CD109: variants seen among roughly 807,000 people sequenced by gnomAD.
CD109 encodes the protein CD109 molecule.
CD109 carries 149 observed loss-of-function variants against 165.8 expected under a neutral mutation model. That is an observed-to-expected ratio of 0.90 (90% confidence interval 0.79 to 1.03). The LOEUF is 1.03. Among genes scored for constraint, CD109 ranks in the 50% least tolerant of loss-of-function variants. The pLI is 0.00. For missense variants in CD109, 1,712 were observed against 1,677.8 expected (o/e 1.02, Z -0.36); for synonymous variants, 585 against 592.1 (o/e 0.99, Z 0.18).
intron 5 of CD109, among the ~76,000 whole-genome samples, chr6:73,753,081 A>ATG (rs58469494): frequency 0.1 from 15,593 of 152,164 alleles, 1,303 homozygotes; most frequent in African/African-American, 0.23. Flanking sequence ...GAAAAACCAA[A>ATG]TGTAGCCTGA....
At chr6:73,819,588 A>T (rs1776044135) in intron 31 of CD109, among the ~76,000 whole-genome samples, 1 of 152,238 alleles carries the variant, frequency 6.6e-6, no homozygotes, top group South Asian at 2.1e-4. Flanking sequence ...TTAAAAAGAT[A>T]GTTCTTGAAT....
At chr6:73,784,712 A>G (rs186244646) in intron 19 of CD109, among the ~76,000 whole-genome samples, 142 of 152,360 alleles carry the variant, frequency 9.3e-4, no homozygotes, top group African/African-American at 3.2e-3. Flanking sequence ...GACTTGGCCA[A>G]CAATATCAGA....
chr6:73,782,623 C>G lies in CD109; in HGVS notation c.1973C>G (p.Ala658Gly). Residue 658 changes from alanine (A) to glycine (G), a missense_variant, in exon 18 of 33, where the codon GCA becomes GGA. Physicochemically the swap from Ala to Gly is moderately conservative, Grantham distance 60. Transcript: ENST00000287097. ...KDYIDGVYDNAEYAERFMEEN... is the reference protein window; with the variant it reads ...KDYIDGVYDNGEYAERFMEEN... ...CAATGTTTATTTATAGATGACAATG[C>G]AGAATATGCTGAGAGGTTTATGGAG... 1 of 1,612,228 alleles carries G rather than the reference C, an allele frequency of 6.2e-7. No homozygotes were observed. Among genetic ancestry groups the G allele is most frequent in the Non-Finnish European group, 8.5e-7 (1 of 1,178,806 alleles).
intron 23 of CD109, among the ~76,000 whole-genome samples, chr6:73,794,319 T>C (rs1046371811): frequency 1.3e-5 from 2 of 152,192 alleles, no homozygotes; most frequent in African/African-American, 4.8e-5. Flanking sequence ...TGATTTGCAG[T>C]GTTCTCTGGT....
At chr6:73,729,063 T>C (rs1562033968) in intron 3 of CD109, among the ~76,000 whole-genome samples, 1 of 152,160 alleles carries the variant, frequency 6.6e-6, no homozygotes, top group Non-Finnish European at 1.5e-5. Context: ...GGCTGACACG[T>C]GGTTGTTGGT....
At chr6:73,688,328 G>C in the CD109 span, among the ~76,000 whole-genome samples, 1 of 152,166 alleles carries the variant, frequency 6.6e-6, no homozygotes, top group East Asian at 1.9e-4. Context: ...CAATAGGAGT[G>C]CTAGGAGAAT....
intron 23 of CD109, among the ~76,000 whole-genome samples, chr6:73,796,491 G>A (rs1360767750): frequency 1.3e-5 from 2 of 151,990 alleles, no homozygotes; most frequent in African/African-American, 4.8e-5. Context: ...ACTCCAATTT[G>A]TACTACTCCA....
At chr6:73,690,239 T>C in the CD109 span, among the ~76,000 whole-genome samples, 1 of 152,242 alleles carries the variant, frequency 6.6e-6, no homozygotes, top group African/African-American at 2.4e-5. Flanking sequence ...GGGTTATATA[T>C]ACATTTCCCT....
At chr6:73,783,857 C>T (rs370475679) in intron 19 of CD109, 33 bp downstream of exon 19, 34 of 1,226,136 alleles carry the variant, frequency 2.8e-5, no homozygotes, top group Middle Eastern at 1.9e-4. Flanking sequence ...ATCAGTATTA[C>T]GGTGACATTA....
At chr6:73,767,079 G>T in intron 13 of CD109, 69 bp downstream of exon 13, 1 of 1,371,112 alleles carries the variant, frequency 7.3e-7, no homozygotes, top group Non-Finnish European at 1.0e-6. Flanking sequence ...TTTAAGTTCT[G>T]GGGTACATGT....
At chr6:73,785,868 A>G (rs1421513728) in intron 20 of CD109, among the ~76,000 whole-genome samples, 1 of 141,564 alleles carries the variant, frequency 7.1e-6, no homozygotes, top group East Asian at 2.1e-4. Context: ...TTTTTGAGAC[A>G]TGGTCTTGCT....
At chr6:73,805,343 C>T (rs749327304) in intron 24 of CD109, among the ~76,000 whole-genome samples, 1 of 152,190 alleles carries the variant, frequency 6.6e-6, no homozygotes, top group Non-Finnish European at 1.5e-5. Context: ...TTTAGATATG[C>T]ATACACATAA....
At chr6:73,712,664 T>A (rs565510583) in intron 2 of CD109, among the ~76,000 whole-genome samples, 1 of 152,368 alleles carries the variant, frequency 6.6e-6, no homozygotes, top group African/African-American at 2.4e-5. Flanking sequence ...TTACACAATT[T>A]AAAAATAGCT....
intron 3 of CD109, among the ~76,000 whole-genome samples, chr6:73,729,054 G>A (rs1772246356): frequency 6.6e-6 from 1 of 152,146 alleles, no homozygotes; most frequent in Non-Finnish European, 1.5e-5. Context: ...CATTCACTAG[G>A]CTGACACGTG....
At position 73,696,252 on chromosome 6, in the gene CD109, C is replaced by A; in HGVS notation, c.37C>A (p.Leu13Ile). The A allele has an allele frequency of 1.3e-6, 2 of 1,541,110 alleles. No individual in the cohort carries two copies. Among genetic ancestry groups the A allele is most frequent in the Non-Finnish European group, 1.7e-6 (2 of 1,148,478 alleles). The change falls in exon 1 of 33, where the codon CTC (leucine) becomes ATC (isoleucine). Residue 13 changes from leucine (L) to isoleucine (I), a missense_variant. Physicochemically the swap from Leu to Ile is conservative, Grantham distance 5. Transcript: ENST00000287097. ...ACCGCTCCTGACCGCCGCCCACCTC[C>A]TCTGCGTGTGCACCGCCGCGCTGGC... ...GPPLLTAAHL[L>I]CVCTAALAVA...
intron 3 of CD109, among the ~76,000 whole-genome samples, chr6:73,727,855 A>G (rs1365083664): frequency 1.3e-5 from 2 of 152,208 alleles, no homozygotes; most frequent in Non-Finnish European, 2.9e-5. Flanking sequence ...TTTCTTGTTT[A>G]TAGTATTAGG....
intron 5 of CD109, 36 bp from the exon 6 acceptor site, chr6:73,756,603 CATAT>C: frequency 7.3e-7 from 1 of 1,363,958 alleles, no homozygotes; most frequent in Non-Finnish European, 1.0e-6. Flanking sequence ...AATAAGAACT[CATAT>C]ACTTTCCTGT....
intron 11 of CD109, among the ~76,000 whole-genome samples, 185 bp from the exon 12 acceptor site, chr6:73,766,574 G>A (rs547362834): frequency 2.0e-5 from 3 of 147,446 alleles, no homozygotes; most frequent in South Asian, 2.1e-4. Context: ...GTGTTTTAAA[G>A]CTATCAGTTT....
intron 3 of CD109, among the ~76,000 whole-genome samples, chr6:73,724,327 A>G (rs975607906): frequency 2.6e-5 from 4 of 152,220 alleles, no homozygotes; most frequent in Non-Finnish European, 5.9e-5. Flanking sequence ...AGAAATGGAA[A>G]GGAGTTATTA....
Sources: allele counts gnomAD v4.1 joint callset (sites outside exome capture counted in the v4.1 genomes callset), GRCh38; gene constraint gnomAD v4.1.1; transcripts MANE v1.5; gene names NCBI Gene and HGNC (gene_info 2026-07-23, HGNC 2026-07-21).